The following DNAAF11 variants were observed in gnomAD, a reference collection of about 807,000 sequenced individuals.
The protein encoded by DNAAF11 is dynein axonemal assembly factor 11.
Under a neutral mutation model 60.8 loss-of-function variants are expected in DNAAF11, and 45 were observed. The observed-to-expected ratio is 0.74, with a 90% confidence interval of 0.58 to 0.95. DNAAF11 has a LOEUF of 0.95. Among genes scored for constraint, DNAAF11 ranks in the 40% least tolerant of loss-of-function variants. The pLI is 0.00. For synonymous variants in DNAAF11, 191 were observed against 183.5 expected, an observed-to-expected ratio of 1.04 and a Z score of -0.33; for missense variants, 546 against 546.2, an observed-to-expected ratio of 1.00 and a Z score of 0.00.
At chr8:132,653,139 A>G (rs1823191970) in intron 3 of DNAAF11, among the ~76,000 whole-genome samples, 1 of 152,204 alleles carries the variant, frequency 6.6e-6, no homozygotes, top group Non-Finnish European at 1.5e-5. Flanking sequence ...CTAAAATCCA[A>G]TTGAAAGAAG....
At position 132,571,609 on chromosome 8, in the gene DNAAF11, G is replaced by A. The variant is rs1814202717; in HGVS notation, c.*697C>T. 6.6e-6 allele frequency among the ~76,000 whole-genome samples: 1 copy of A among 152,056 alleles called. No individual in the cohort carries two copies. The highest frequency in any genetic ancestry group is 1.5e-5 in the Non-Finnish European group (1 of 67,984). On this transcript the variant is annotated 3_prime_UTR_variant, in exon 12 of 12. Transcript: ENST00000620350. Reference sequence around the variant, plus strand: ...AGGAGAAGAGAGAGGAGAAAGGGAAGAAGGAGAGAGAGAAGAGGCTCTAAA... The same window carrying A: ...AGGAGAAGAGAGAGGAGAAAGGGAAAAAGGAGAGAGAGAAGAGGCTCTAAA...
chr8:132,663,714 A>T (rs551465382), intron 1 of DNAAF11, among the ~76,000 whole-genome samples: 13 of 152,282 alleles, frequency 8.5e-5, no homozygotes, highest in Non-Finnish European at 1.6e-4. Context: ...TCCTCTCTAG[A>T]CCATGGCCCA....
intron 11 of DNAAF11, among the ~76,000 whole-genome samples, chr8:132,573,231 G>A (rs946394346): frequency 2.6e-5 from 4 of 152,122 alleles, no homozygotes; most frequent in African/African-American, 7.2e-5. Context: ...TTTTTATAAC[G>A]TTCCCTCAAA....
chr8:132,652,634 C>T (rs530743242), intron 3 of DNAAF11, among the ~76,000 whole-genome samples: 3 of 152,098 alleles, frequency 2.0e-5, no homozygotes, highest in African/African-American at 7.2e-5. Flanking sequence ...AGTTCATGTC[C>T]TTTGCAGGGA....
chr8:132,607,184 G>GCTAT (rs1293173001), intron 10 of DNAAF11, among the ~76,000 whole-genome samples: 1 of 152,152 alleles, frequency 6.6e-6, no homozygotes, highest in East Asian at 1.9e-4. Context: ...GTTGCTGGAT[G>GCTAT]CTATCTTTAT....
intron 11 of DNAAF11, 131 bp downstream of exon 11, chr8:132,583,563 A>G (rs1029086581): frequency 2.0e-5 from 14 of 711,262 alleles, no homozygotes; most frequent in Non-Finnish European, 2.9e-5. Flanking sequence ...GGAAATAAAC[A>G]TTAACATTCA....
chr8:132,580,282 G>C (rs1469486003), intron 11 of DNAAF11, among the ~76,000 whole-genome samples: 2 of 152,186 alleles, frequency 1.3e-5, no homozygotes, highest in Non-Finnish European at 2.9e-5. Flanking sequence ...CCTGTGCAGT[G>C]AGGCATGAAG....
intron 6 of DNAAF11, among the ~76,000 whole-genome samples, chr8:132,623,140 T>G (rs775336437): frequency 1.3e-5 from 2 of 152,152 alleles, no homozygotes; most frequent in African/African-American, 4.8e-5. Context: ...CACAGAAGAA[T>G]CTATATAAAA....
chr8:132,702,907 G>A, the DNAAF11 span, among the ~76,000 whole-genome samples: 1 of 152,144 alleles, frequency 6.6e-6, no homozygotes. Flanking sequence ...AGATTAGGAA[G>A]GCGGAAGGCT....
intron 2 of DNAAF11, among the ~76,000 whole-genome samples, chr8:132,659,281 A>G (rs1472570749): frequency 6.6e-6 from 1 of 152,226 alleles, no homozygotes; most frequent in African/African-American, 2.4e-5. Flanking sequence ...TCAATGGCAC[A>G]AGAGCAAGTC....
chr8:132,657,322 A>T (rs181769337), intron 2 of DNAAF11, among the ~76,000 whole-genome samples: 141 of 152,306 alleles, frequency 9.3e-4, no homozygotes, highest in Non-Finnish European at 2.1e-4. Flanking sequence ...AAAGGGAAGG[A>T]TCTATATTCC....
the DNAAF11 span, among the ~76,000 whole-genome samples, chr8:132,702,497 A>G: frequency 6.6e-6 from 1 of 152,166 alleles, no homozygotes; most frequent in African/African-American, 2.4e-5. Flanking sequence ...CCTTTCTATC[A>G]TCTCACCTAA....
In DNAAF11 at chr8:132,629,177, A is replaced by G. The variant is rs190129909; in HGVS notation, c.653+3563T>C. Among the ~76,000 whole-genome samples the G allele has an allele frequency of 1.6e-3, 239 of 152,290 alleles. 1 individual carries two copies. Among genetic ancestry groups the G allele is most frequent in the African/African-American group, 5.4e-3 (226 of 41,554 alleles). ...AAAGGAAAGCATTTAATAAGAATCA[A>G]TATAATGCATGTGATGATAAAAGCT... is the stretch of plus-strand genomic sequence containing the variant. On this transcript the variant is annotated intron_variant, in intron 5 of 11. Transcript: ENST00000620350.
chr8:132,578,581 AT>A (rs1477431832), intron 11 of DNAAF11: 1 of 915,646 alleles, frequency 1.1e-6, no homozygotes, highest in Non-Finnish European at 1.7e-6. Context: ...AATGCCTAAA[AT>A]TAATCACTAA....
the DNAAF11 span, among the ~76,000 whole-genome samples, chr8:132,701,391 G>A: frequency 3.3e-4 from 50 of 152,286 alleles, no homozygotes; most frequent in African/African-American, 1.2e-3. Context: ...GTAGTCATGA[G>A]GAAAGATGGA....
intron 8 of DNAAF11, among the ~76,000 whole-genome samples, chr8:132,614,046 A>G (rs549930027): frequency 6.6e-6 from 1 of 152,230 alleles, no homozygotes; most frequent in Non-Finnish European, 1.5e-5. Flanking sequence ...GTGGAGATGT[A>G]GAGAGGAAAG....
the DNAAF11 span, chr8:132,685,170 T>C: frequency 6.6e-6 from 1 of 152,218 alleles, no homozygotes. Flanking sequence ...CTCTGAGAAG[T>C]GAGTAAACAA....
chr8:132,659,832 G>A (rs974117531), intron 2 of DNAAF11, among the ~76,000 whole-genome samples: 4 of 152,000 alleles, frequency 2.6e-5, no homozygotes, highest in Non-Finnish European at 4.4e-5. Context: ...CTTGCGGGGG[G>A]TGGGGGAGCA....
chr8:132,702,661 T>A, the DNAAF11 span, among the ~76,000 whole-genome samples: 2 of 152,236 alleles, frequency 1.3e-5, no homozygotes, highest in Non-Finnish European at 2.9e-5. Context: ...TTAAGCATTT[T>A]GCCTGCATGA....
Sources: allele counts gnomAD v4.1 joint callset (sites outside exome capture counted in the v4.1 genomes callset), GRCh38; gene constraint gnomAD v4.1.1; transcripts MANE v1.5; gene names NCBI Gene and HGNC (gene_info 2026-07-23, HGNC 2026-07-21).